Variants in OSBPL8 observed in about 807,000 individuals in gnomAD.
OSBPL8 encodes the protein oxysterol binding protein like 8.
OSBPL8 carries 59 observed loss-of-function variants against 125.5 expected under a neutral mutation model. The observed-to-expected ratio is 0.47, with a 90% confidence interval of 0.38 to 0.58. The LOEUF (loss-of-function observed/expected upper bound fraction) is 0.58, where lower values mean the gene tolerates loss of function less well. OSBPL8 is among the 20% of genes least tolerant of loss of function. The pLI is 0.00. For missense variants in OSBPL8, 758 were observed against 1,047.8 expected, an observed-to-expected ratio of 0.72 and a Z score of 3.82; for synonymous variants, 330 against 338.9, an observed-to-expected ratio of 0.97 and a Z score of 0.29.
At chr12:76,445,785 C>T (rs1378154324) in intron 4 of OSBPL8, among the ~76,000 whole-genome samples, 2 of 152,146 alleles carry the variant, frequency 1.3e-5, no homozygotes, top group African/African-American at 4.8e-5. Context: ...TGGAAAATGG[C>T]TTGGCCATTT....
chr12:76,525,517 G>A (rs1422264973), intron 1 of OSBPL8, among the ~76,000 whole-genome samples: 1 of 145,670 alleles, frequency 6.9e-6, no homozygotes, highest in East Asian at 1.9e-4. Flanking sequence ...TGCATAAATG[G>A]TAACACTGTA....
chr12:76,558,349 C>A (rs1326662209), intron 1 of OSBPL8, among the ~76,000 whole-genome samples: 1 of 152,106 alleles, frequency 6.6e-6, no homozygotes, highest in Non-Finnish European at 1.5e-5. Flanking sequence ...CAAAATTTAA[C>A]AATCAATTCA....
intron 1 of OSBPL8, among the ~76,000 whole-genome samples, chr12:76,524,437 A>T (rs1003052027): frequency 2.6e-5 from 4 of 151,678 alleles, no homozygotes; most frequent in Non-Finnish European, 5.9e-5. Flanking sequence ...GAGCAATTAA[A>T]TTTTTTTTTA....
intron 4 of OSBPL8, among the ~76,000 whole-genome samples, chr12:76,432,334 C>G (rs1370068578): frequency 2.0e-5 from 3 of 152,042 alleles, no homozygotes; most frequent in Non-Finnish European, 4.4e-5. Flanking sequence ...GACTATAATC[C>G]CAGCACTTTG....
chr12:76,515,145 G>C (rs534107414), intron 1 of OSBPL8, among the ~76,000 whole-genome samples: 371 of 152,232 alleles, frequency 2.4e-3, no homozygotes, highest in Non-Finnish European at 4.2e-3. Flanking sequence ...TTCTACTTCT[G>C]TCATTTCAGC....
chr12:76,497,559 C>G (rs1219354531), intron 1 of OSBPL8, among the ~76,000 whole-genome samples: 1 of 152,188 alleles, frequency 6.6e-6, no homozygotes, highest in Non-Finnish European at 1.5e-5. Context: ...GCATGTGTCT[C>G]ACTACTAACT....
chr12:76,363,574 A>G (rs1470339961), intron 21 of OSBPL8, among the ~76,000 whole-genome samples: 1 of 152,246 alleles, frequency 6.6e-6, no homozygotes, highest in South Asian at 2.1e-4. Context: ...AAACCTAGGA[A>G]ATGCCATTCA....
At chr12:76,424,943 T>G (rs1592659097) in intron 4 of OSBPL8, among the ~76,000 whole-genome samples, 1 of 152,182 alleles carries the variant, frequency 6.6e-6, no homozygotes, top group East Asian at 1.9e-4. Context: ...CAAGTAGTCA[T>G]GGTCTTGCAG....
intron 21 of OSBPL8, 23 bp downstream of exon 21, chr12:76,369,182 ATACCTAGTG>A (rs779632426): frequency 3.1e-6 from 5 of 1,587,546 alleles, no homozygotes; most frequent in Non-Finnish European, 4.3e-6. Flanking sequence ...ACAGATTTAT[ATACCTAGTG>A]TACCTAGTTT....
At chr12:76,373,157 A>G (rs1168256780) in intron 18 of OSBPL8, among the ~76,000 whole-genome samples, 187 bp downstream of exon 18, 1 of 152,192 alleles carries the variant, frequency 6.6e-6, no homozygotes, top group African/African-American at 2.4e-5. Context: ...AAGTTTTGGA[A>G]ATAAAATATT....
intron 1 of OSBPL8, among the ~76,000 whole-genome samples, chr12:76,510,437 T>C (rs1344506254): frequency 1.3e-5 from 2 of 152,318 alleles, no homozygotes; most frequent in South Asian, 2.1e-4. Flanking sequence ...AAATCATTAC[T>C]ATCAAAATTC....
chr12:76,370,791 G>A (rs1284303664), intron 19 of OSBPL8, among the ~76,000 whole-genome samples: 1 of 152,162 alleles, frequency 6.6e-6, no homozygotes. Context: ...TGATATGTAT[G>A]TGCAAACATG....
At chr12:76,407,195 T>C (rs1374432747) in intron 5 of OSBPL8, among the ~76,000 whole-genome samples, 1 of 152,242 alleles carries the variant, frequency 6.6e-6, no homozygotes, top group African/African-American at 2.4e-5. Flanking sequence ...ATGATAAATG[T>C]ATAAATTTTA....
At chr12:76,544,793 G>C (rs1015643653) in intron 1 of OSBPL8, among the ~76,000 whole-genome samples, 5 of 151,682 alleles carry the variant, frequency 3.3e-5, no homozygotes, top group Admixed American at 3.3e-4. Flanking sequence ...TTCTCACTTA[G>C]CTCCTTAGCA....
At chr12:76,379,545 C>G (rs1952958329) in intron 15 of OSBPL8, among the ~76,000 whole-genome samples, 1 of 152,162 alleles carries the variant, frequency 6.6e-6, no homozygotes, top group African/African-American at 2.4e-5. Context: ...TTTCCCTTAG[C>G]CCCAGGACAC....
intron 5 of OSBPL8, among the ~76,000 whole-genome samples, chr12:76,406,389 T>C (rs116315850): frequency 0.012 from 1,768 of 152,226 alleles, 40 homozygotes; most frequent in African/African-American, 0.041. Context: ...AGTTAAACGG[T>C]TGAAAAATCA....
intron 4 of OSBPL8, chr12:76,422,899 T>C: frequency 4.7e-6 from 1 of 213,616 alleles, no homozygotes; most frequent in Admixed American, 5.0e-5. Context: ...CTGATAAACA[T>C]GAAAGGCTAT....
At chr12:76,368,938 C>A (rs1952517275) in intron 21 of OSBPL8, among the ~76,000 whole-genome samples, 1 of 152,078 alleles carries the variant, frequency 6.6e-6, no homozygotes, top group Non-Finnish European at 1.5e-5. Context: ...GGGGCAAGGG[C>A]AGGTAAAATG....
At chr12:76,378,330 A>G in intron 16 of OSBPL8, 122 bp downstream of exon 16, 1 of 667,090 alleles carries the variant, frequency 1.5e-6, no homozygotes, top group Non-Finnish European at 2.5e-6. Context: ...CTGTAATCCA[A>G]GGATGCTTTC....
Sources: allele counts gnomAD v4.1 joint callset (sites outside exome capture counted in the v4.1 genomes callset), GRCh38; gene constraint gnomAD v4.1.1; transcripts MANE v1.5; gene names NCBI Gene and HGNC (gene_info 2026-07-23, HGNC 2026-07-21).